Variants in ACSM3 observed in about 807,000 individuals in gnomAD.
The protein encoded by ACSM3 is acyl-coenzyme A synthetase ACSM3, mitochondrial.
In ACSM3, 61 loss-of-function variants were observed where a neutral mutation model predicts 74.1. That is an observed-to-expected ratio of 0.82 (90% confidence interval 0.67 to 1.02). ACSM3 has a LOEUF of 1.02. ACSM3 is among the 50% of genes least tolerant of loss of function. The pLI, the probability that ACSM3 is intolerant of heterozygous loss-of-function variation, is 0.00. For missense variants in ACSM3, 660 were observed against 697.0 expected, an observed-to-expected ratio of 0.95 and a Z score of 0.60; for synonymous variants, 213 against 241.5, an observed-to-expected ratio of 0.88 and a Z score of 1.09.
intron 9 of ACSM3, chr16:20,789,506 T>C: frequency 6.2e-7 from 1 of 1,613,828 alleles, no homozygotes; most frequent in Non-Finnish European, 8.5e-7. Context: ...TATTCCCCTT[T>C]TCCTGTTTAC....
intron 1 of ACSM3, among the ~76,000 whole-genome samples, chr16:20,690,395 T>C (rs2079632369): frequency 6.6e-6 from 1 of 152,232 alleles, no homozygotes; most frequent in Non-Finnish European, 1.5e-5. Context: ...TGGGGTTTTC[T>C]GCAGAAACAC....
intron 1 of ACSM3, among the ~76,000 whole-genome samples, chr16:20,769,730 G>A (rs2080168028): frequency 6.6e-6 from 1 of 152,184 alleles, no homozygotes; most frequent in Non-Finnish European, 1.5e-5. Context: ...TTCAAATCCA[G>A]CCAATGCCTC....
chr16:20,765,452 G>A (rs2080115448), intron 1 of ACSM3, among the ~76,000 whole-genome samples: 1 of 152,110 alleles, frequency 6.6e-6, no homozygotes, highest in African/African-American at 2.4e-5. Context: ...TTCAACATAC[G>A]TTTGAAGGAT....
upstream of ACSM3, among the ~76,000 whole-genome samples, chr16:20,759,327 G>A (rs1273421159): frequency 6.6e-6 from 1 of 152,188 alleles, no homozygotes; most frequent in South Asian, 2.1e-4. Context: ...GGAGGCTGAG[G>A]TGGGCGGATC....
intron 1 of ACSM3, among the ~76,000 whole-genome samples, chr16:20,716,415 AC>A (rs35788128): frequency 6.6e-6 from 1 of 152,086 alleles, no homozygotes; most frequent in African/African-American, 2.4e-5. Flanking sequence ...GCCCTGCCAC[AC>A]CACAAATCTA....
At chr16:20,787,948 A>G (rs150144340) in intron 9 of ACSM3, among the ~76,000 whole-genome samples, 1 of 152,278 alleles carries the variant, frequency 6.6e-6, no homozygotes, top group Non-Finnish European at 1.5e-5. Context: ...TGGTTGGTAA[A>G]CCAAATAATA....
chr16:20,709,407 T>C (rs751698530), intron 1 of ACSM3, among the ~76,000 whole-genome samples: 28 of 152,276 alleles, frequency 1.8e-4, no homozygotes, highest in Admixed American at 3.3e-4. Context: ...CTCAGAATTA[T>C]TGCTATACCT....
intron 1 of ACSM3, chr16:20,736,692 A>AC: frequency 1.6e-6 from 1 of 620,910 alleles, no homozygotes. Context: ...TCTACGTAAT[A>AC]CCATAAAGGC....
intron 7 of ACSM3, 73 bp downstream of exon 7, chr16:20,781,860 C>A: frequency 1.7e-6 from 2 of 1,176,684 alleles, no homozygotes; most frequent in Non-Finnish European, 2.5e-6. Flanking sequence ...AAAGATCTTT[C>A]TGCCTGAAAC....
chr16:20,690,680 C>T (rs551749548), intron 1 of ACSM3, among the ~76,000 whole-genome samples: 4 of 152,268 alleles, frequency 2.6e-5, no homozygotes, highest in South Asian at 2.1e-4. Context: ...CAGACTAATA[C>T]GAATTTGCTG....
chr16:20,755,981 G>A (rs979231490), intron 3 of ACSM3, among the ~76,000 whole-genome samples: 14 of 152,016 alleles, frequency 9.2e-5, no homozygotes, highest in African/African-American at 3.4e-4. Flanking sequence ...TTTTATGGCT[G>A]CATAGTATTC....
intron 1 of ACSM3, chr16:20,749,673 C>T (rs2079974657): frequency 6.6e-6 from 1 of 152,386 alleles, no homozygotes; most frequent in African/African-American, 2.4e-5. Flanking sequence ...AAGCCTGAAG[C>T]ATAAGATAGG....
intron 1 of ACSM3, among the ~76,000 whole-genome samples, chr16:20,713,334 C>T (rs894503013): frequency 1.3e-5 from 2 of 152,008 alleles, no homozygotes; most frequent in Admixed American, 6.6e-5. Flanking sequence ...GTAGTGATTC[C>T]TAAGGTAGTG....
intron 1 of ACSM3, among the ~76,000 whole-genome samples, chr16:20,724,235 T>G (rs2079796800): frequency 6.6e-6 from 1 of 152,072 alleles, no homozygotes; most frequent in Non-Finnish European, 1.5e-5. Flanking sequence ...CATACGAAAA[T>G]CAATAAACAT....
intron 1 of ACSM3, among the ~76,000 whole-genome samples, chr16:20,739,945 C>T (rs1596492724): frequency 6.6e-6 from 1 of 152,100 alleles, no homozygotes; most frequent in East Asian, 1.9e-4. Context: ...ACGTGCTGAC[C>T]AGATCAATCA....
intron 2 of ACSM3, among the ~76,000 whole-genome samples, chr16:20,775,307 C>G (rs1192053572): frequency 6.6e-6 from 1 of 152,158 alleles, no homozygotes; most frequent in Non-Finnish European, 1.5e-5. Flanking sequence ...TGAACTTCCT[C>G]TCTGGAACAA....
intron 1 of ACSM3, among the ~76,000 whole-genome samples, chr16:20,728,643 A>G (rs980290623): frequency 4.6e-5 from 7 of 152,076 alleles, no homozygotes; most frequent in African/African-American, 1.2e-4. Context: ...TGAGTACTAT[A>G]AAGATGAAAT....
intron 9 of ACSM3, among the ~76,000 whole-genome samples, chr16:20,787,330 T>C (rs775865913): frequency 2.6e-5 from 4 of 152,174 alleles, no homozygotes; most frequent in Non-Finnish European, 4.4e-5. Context: ...CATTGTAAAG[T>C]TGGGAAATAG....
At chr16:20,750,844 G>GTTTTTTT (rs59655300) in intron 2 of ACSM3, among the ~76,000 whole-genome samples, 42,369 of 114,274 alleles carry the variant, frequency 0.37, 9,733 homozygotes, top group Non-Finnish European at 0.52. Flanking sequence ...TTGGAGTCAG[G>GTTTTTTT]TTTTTTTTTT....
Sources: allele counts gnomAD v4.1 joint callset (sites outside exome capture counted in the v4.1 genomes callset), GRCh38; gene constraint gnomAD v4.1.1; transcripts MANE v1.5; gene names NCBI Gene and HGNC (gene_info 2026-07-23, HGNC 2026-07-21).